The following CDH23 variants were observed in gnomAD, a reference collection of about 807,000 sequenced individuals.
CDH23 encodes cadherin-23.
In CDH23, 189 loss-of-function variants were observed where a neutral mutation model predicts 317.1. The observed-to-expected ratio is 0.60, with a 90% confidence interval of 0.53 to 0.67. The LOEUF (loss-of-function observed/expected upper bound fraction) is 0.67, where lower values mean the gene tolerates loss of function less well. CDH23 is among the 30% of genes least tolerant of loss of function. The probability of loss-of-function intolerance (pLI) is 0.00; values close to 1 mark genes in which losing one functional copy is unlikely to be tolerated. For missense variants in CDH23, 4,401 were observed against 4,592.4 expected (o/e 0.96, Z 1.20); for synonymous variants, 1,839 against 1,876.8 (o/e 0.98, Z 0.52).
intron 14 of CDH23, among the ~76,000 whole-genome samples, chr10:71,667,418 G>C (rs116819714): frequency 6.6e-6 from 1 of 151,586 alleles, no homozygotes; most frequent in Non-Finnish European, 1.5e-5. Flanking sequence ...GTGAGGGGTG[G>C]AGGTGTGGGA....
rs181065802 is a variant in CDH23 at position 71,548,045 on chromosome 10, G to A, written c.430-18697G>A. Among the ~76,000 whole-genome samples the A allele has an allele frequency of 3.1e-3, 467 of 152,330 alleles. 8 individuals are homozygous for A. Among genetic ancestry groups the A allele is most frequent in the African/African-American group, 0.011 (447 of 41,570 alleles). On this transcript the variant is annotated intron_variant, in intron 6 of 69. Coordinates refer to ENST00000224721, the MANE Select transcript of CDH23 (RefSeq NM_022124.6). The stretch of plus-strand genomic sequence containing the variant: ...TGGAGCCTGTCAGCTGCGTGGTGAC[G>A]GAATGCATTTCTCTGCACCGGAATA...
chr10:71,590,286 C>T (rs1455043295), intron 9 of CDH23, among the ~76,000 whole-genome samples: 2 of 152,256 alleles, frequency 1.3e-5, no homozygotes, highest in Admixed American at 1.3e-4. Flanking sequence ...CATTCTGGCA[C>T]AGAACGAAAT....
At chr10:71,675,575 G>A (rs1305362177) in intron 15 of CDH23, among the ~76,000 whole-genome samples, 3 of 152,194 alleles carry the variant, frequency 2.0e-5, no homozygotes, top group African/African-American at 7.2e-5. Context: ...TCAGTGAAAT[G>A]ACAGAAGAAC....
At chr10:71,675,596 G>A (rs1390335325) in intron 15 of CDH23, among the ~76,000 whole-genome samples, 1 of 152,172 alleles carries the variant, frequency 6.6e-6, no homozygotes, top group Admixed American at 6.5e-5. Context: ...TCAGTGCTAG[G>A]CACTTTTATC....
Position 71,811,958 on chromosome 10 carries a change from A to G in CDH23, c.9323A>G (p.Asn3108Ser). The G allele has an allele frequency of 3.1e-6, 5 of 1,612,864 alleles. No homozygotes were observed. The highest frequency in any genetic ancestry group is 1.1e-5 in the South Asian group (1 of 91,038). ...LKAIVAGSAG[N>S]RGFIDIMDMP... ...GCCCCAACCCTTCTCCCTGCAGGGA[A>G]TCGTGGCTTCATCGACATCATGGAC... is the stretch of plus-strand genomic sequence containing the variant. Residue 3108 changes from asparagine (N) to serine (S), a missense_variant, in exon 66 of 70, where the codon AAT (asparagine) becomes AGT (serine). Physicochemically the swap from Asn to Ser is conservative, Grantham distance 46 (BLOSUM62 1). Transcript: ENST00000224721.
chr10:71,778,408 G>T, intron 40 of CDH23, 100 bp downstream of exon 40: 1 of 1,445,192 alleles, frequency 6.9e-7, no homozygotes, highest in Non-Finnish European at 9.4e-7. Context: ...AAGATTGTCT[G>T]AGGGAAATGC....
intron 11 of CDH23, 135 bp downstream of exon 11, chr10:71,617,528 TA>T: frequency 6.7e-7 from 1 of 1,494,422 alleles, no homozygotes; most frequent in Non-Finnish European, 8.9e-7. Flanking sequence ...GTTCTGAGGA[TA>T]AATAAGGCTG....
At chr10:71,786,617 T>C (rs7902792) in intron 44 of CDH23, among the ~76,000 whole-genome samples, 151,894 of 151,902 alleles carry the variant, frequency 1, 75,943 homozygotes, top group Non-Finnish European at 1. Flanking sequence ...TGTGCCTCAG[T>C]CTCCCGAGTA....
intron 38 of CDH23, among the ~76,000 whole-genome samples, chr10:71,776,735 A>C (rs1006856428): frequency 6.6e-6 from 1 of 152,214 alleles, no homozygotes; most frequent in Non-Finnish European, 1.5e-5. Context: ...AAGCAGGAGA[A>C]ACACAGCCAT....
At chr10:71,487,224 T>G (rs190100920) in intron 3 of CDH23, among the ~76,000 whole-genome samples, 1 of 152,286 alleles carries the variant, frequency 6.6e-6, no homozygotes, top group Admixed American at 6.5e-5. Context: ...GACTACTACG[T>G]GTGTAAAAAA....
rs1445218387 is a variant in CDH23, at chr10:71,577,895, C to G, written c.754-19C>G. The G allele has an allele frequency of 6.3e-7, 1 of 1,579,124 alleles. No homozygotes were observed. Among genetic ancestry groups the G allele is most frequent in the South Asian group, 1.2e-5 (1 of 85,946 alleles). On this transcript the variant is annotated intron_variant, in intron 8 of 69. Transcript: ENST00000224721. ...CAGCCAGGGGACCCAAACTCAAGTCCCTCCTCTCTTCTGCCCAGGGCACGA... is the reference window on the plus strand; with the variant it reads ...CAGCCAGGGGACCCAAACTCAAGTCGCTCCTCTCTTCTGCCCAGGGCACGA...
chr10:71,688,551 T>TC (rs1865005741), intron 19 of CDH23, among the ~76,000 whole-genome samples: 1 of 79,186 alleles, frequency 1.3e-5, no homozygotes, highest in Non-Finnish European at 2.5e-5. Context: ...GATGGTGGAG[T>TC]CAGGGATGGT....
rs369701382 is a variant in CDH23 at position 71,793,381 on chromosome 10, C to A, written c.6453C>A (p.Thr2151=). 5.7e-4 allele frequency: 917 copies of A among 1,613,948 alleles called. No homozygotes were observed. The highest frequency in any genetic ancestry group is 7.5e-4 in the Non-Finnish European group (890 of 1,179,878). ...RLTVVATDRG[T]VPLSGTAIVT... ...CGGTGGTGGCCACCGACCGGGGCAC[C>A]GTTCCTCTCTCGGGCACAGCCATTG... Residue 2151 remains threonine (T), a synonymous_variant, in exon 48 of 70, where the codon ACC becomes ACA. Transcript: ENST00000224721.
rs1862873659 is a variant in CDH23 at position 71,646,547 on chromosome 10, TCAGC to T, written c.1386_1389del (p.Gln462HisfsTer18). On this transcript the variant is annotated frameshift_variant, in exon 14 of 70. Transcript: ENST00000224721. LOFTEE classifies it high-confidence loss of function. The stretch of plus-strand genomic sequence containing the variant: ...AATGAAAATGACAACCGGCCCATCT[TCAGC>T]CAGCCACTGTACAACATCAGCCTGT... The T allele has an allele frequency of 2.5e-6, 4 of 1,614,006 alleles. No homozygotes were observed. Among genetic ancestry groups the T allele is most frequent in the Non-Finnish European group, 3.4e-6 (4 of 1,179,896 alleles).
intron 55 of CDH23, among the ~76,000 whole-genome samples, chr10:71,804,271 A>G (rs1841646056): frequency 6.6e-6 from 1 of 152,272 alleles, no homozygotes; most frequent in East Asian, 1.9e-4. Context: ...CTAGGAGCTG[A>G]GGCTGAGCAT....
At chr10:71,492,767 ATGT>A (rs1193915163) in intron 3 of CDH23, among the ~76,000 whole-genome samples, 2 of 152,184 alleles carry the variant, frequency 1.3e-5, no homozygotes, top group Non-Finnish European at 2.9e-5. Flanking sequence ...CACGTGAGAG[ATGT>A]TGTCCAGAGG....
chr10:71,588,267 C>T (rs946839682), intron 9 of CDH23, among the ~76,000 whole-genome samples: 4 of 152,242 alleles, frequency 2.6e-5, no homozygotes, highest in African/African-American at 9.6e-5. Context: ...GTGCCTGCCA[C>T]GGGCAAGGCA....
At chr10:71,450,625 C>G (rs560168836) in intron 3 of CDH23, among the ~76,000 whole-genome samples, 2 of 152,324 alleles carry the variant, frequency 1.3e-5, no homozygotes, top group East Asian at 1.9e-4. Context: ...CCAACCACCT[C>G]TGTGTTGCTA....
intron 26 of CDH23, 72 bp from the exon 27 acceptor site, chr10:71,709,026 G>A: frequency 7.2e-7 from 1 of 1,391,732 alleles, no homozygotes. Context: ...CCCAGCTCAG[G>A]AGCAGAGTCC....
Sources: gnomAD v4.1 joint callset for allele counts (sites outside exome capture counted in the v4.1 genomes callset) on GRCh38, gnomAD v4.1.1 for gene constraint, MANE v1.5 for transcripts, NCBI Gene and HGNC (gene_info 2026-07-23, HGNC 2026-07-21) for gene names.